The following EFR3B variants were observed in gnomAD, a reference collection of about 807,000 sequenced individuals.
EFR3B encodes the protein EFR3 homolog B.
Under a neutral mutation model 104.7 loss-of-function variants are expected in EFR3B, and 64 were observed. The observed-to-expected ratio is 0.61, with a 90% CI of 0.50 to 0.75. EFR3B has a LOEUF of 0.75. Among genes scored for constraint, EFR3B ranks in the 30% least tolerant of loss-of-function variants. The pLI, the probability that EFR3B is intolerant of heterozygous loss-of-function variation, is 0.00. For missense variants in EFR3B, 750 were observed against 1,078.5 expected (o/e 0.70, Z 4.27); for synonymous variants, 385 against 417.9 (o/e 0.92, Z 0.96).
rs561312942 is a variant in EFR3B, at chr2:25,130,506, C to G, written c.771-46C>G. 1.1e-5 allele frequency: 16 copies of G among 1,469,988 alleles called. No individual in the cohort carries two copies. The South Asian group carries it at 1.6e-4, about 15-fold the overall frequency. The allele number at this position is 1,469,988 out of a possible 1,614,324, so 91.1% of individuals were successfully genotyped here. ...CCAAGCTAATCTCTTCTCCCTAACA[C>G]TGCCGGGAGTTTCATAGTTGTTCCC... On this transcript the variant is annotated intron_variant, in intron 7 of 22. Coordinates refer to ENST00000403714, the MANE Select transcript of EFR3B (RefSeq NM_014971.2). This position sits in a 1 kb window ranked among gnomAD's most constrained non-coding sequence, Gnocchi z 4.6.
At chr2:25,045,828 C>T (rs1239380126) in intron 1 of EFR3B, among the ~76,000 whole-genome samples, 1 of 152,032 alleles carries the variant, frequency 6.6e-6, no homozygotes, top group Non-Finnish European at 1.5e-5. Flanking sequence ...CTGTTGCTCT[C>T]ATCTGGGCTG....
At chr2:25,148,908 C>A (rs1340284280) in intron 19 of EFR3B, among the ~76,000 whole-genome samples, 2 of 109,238 alleles carry the variant, frequency 1.8e-5, no homozygotes, top group Admixed American at 1.3e-4. Flanking sequence ...GGTGACAGAG[C>A]GAGACTCCGT....
intron 1 of EFR3B, among the ~76,000 whole-genome samples, chr2:25,049,157 C>T (rs932272182): frequency 4.6e-5 from 7 of 152,302 alleles, no homozygotes; most frequent in Middle Eastern, 3.4e-3. Flanking sequence ...CCTATACTCT[C>T]GAGAGCGTTC....
At chr2:25,059,367 AACCACCAC>A (rs1668116249) in intron 1 of EFR3B, among the ~76,000 whole-genome samples, 1 of 152,070 alleles carries the variant, frequency 6.6e-6, no homozygotes, top group African/African-American at 2.4e-5. Flanking sequence ...TACAGTCATG[AACCACCAC>A]ACCCGGCCAA....
chr2:25,069,495 A>G (rs1024800875), intron 1 of EFR3B, among the ~76,000 whole-genome samples: 1 of 152,220 alleles, frequency 6.6e-6, no homozygotes, highest in Non-Finnish European at 1.5e-5. Context: ...GTGATAGAGT[A>G]GAAGAAAACA....
intron 5 of EFR3B, among the ~76,000 whole-genome samples, chr2:25,123,041 C>T (rs1573218829): frequency 6.6e-6 from 1 of 152,140 alleles, no homozygotes; most frequent in Non-Finnish European, 1.5e-5. Context: ...CATACTTGGA[C>T]ATAGAAGCAA....
rs1188573048 is a variant in EFR3B, at chr2:25,131,442, G to A, written c.924G>A (p.Val308=). The change falls in exon 9 of 23, where the codon GTG becomes GTA. Residue 308 remains valine, a synonymous_variant. Transcript: ENST00000403714. The surrounding 1 kb of genome is among the most constrained non-coding windows in gnomAD (Gnocchi z 7.6). ...CCAACAGCCGCAGCGCTGCGACGGT[G>A]CGCGCGGGCATCGTGGAAGTCTTGT... The part of the protein sequence containing the change: ...LDANSRSAAT[V]RAGIVEVLSE... The A allele has an allele frequency of 7.1e-6, 11 of 1,550,646 alleles. No homozygotes were observed. In the African/African-American group the frequency reaches 1.5e-4, roughly 21 times the overall value.
intron 1 of EFR3B, among the ~76,000 whole-genome samples, chr2:25,071,435 A>G (rs546676339): frequency 6.7e-6 from 1 of 149,734 alleles, no homozygotes; most frequent in East Asian, 2.0e-4. Flanking sequence ...TATTTTTTGT[A>G]TTTTTAGTAG....
chr2:25,094,780 T>G (rs948463816), intron 3 of EFR3B, among the ~76,000 whole-genome samples: 1 of 151,926 alleles, frequency 6.6e-6, no homozygotes, highest in Non-Finnish European at 1.5e-5. Context: ...TTTTTTATTA[T>G]TTACTTATTT....
intron 4 of EFR3B, among the ~76,000 whole-genome samples, chr2:25,108,319 T>C (rs1473906353): frequency 6.6e-6 from 1 of 152,192 alleles, no homozygotes; most frequent in Non-Finnish European, 1.5e-5. Flanking sequence ...TGGGTCCAGA[T>C]GCATGTCTTG....
intron 1 of EFR3B, among the ~76,000 whole-genome samples, chr2:25,064,557 G>A (rs1283193954): frequency 6.6e-6 from 1 of 152,156 alleles, no homozygotes; most frequent in African/African-American, 2.4e-5. Flanking sequence ...GTTTTCATGT[G>A]ATAGATTCTA....
intron 19 of EFR3B, among the ~76,000 whole-genome samples, chr2:25,149,253 C>T (rs1670936681): frequency 6.6e-6 from 1 of 152,102 alleles, no homozygotes; most frequent in Non-Finnish European, 1.5e-5. Flanking sequence ...GAGGCTGAGG[C>T]AGAAGAATCA....
At chr2:25,152,368 A>C (rs916174012) in intron 21 of EFR3B, among the ~76,000 whole-genome samples, 1 of 152,232 alleles carries the variant, frequency 6.6e-6, no homozygotes, top group African/African-American at 2.4e-5. Context: ...GACAGCAGGC[A>C]CGTGAACAGC....
chr2:25,130,369 G>A lies in EFR3B; in HGVS notation c.771-183G>A, dbSNP rs148057087. Among the ~76,000 whole-genome samples, 4 of 152,198 alleles carry A rather than the reference G, an allele frequency of 2.6e-5. No homozygotes were observed. Among genetic ancestry groups the A allele is most frequent in the South Asian group, 4.1e-4 (2 of 4,822 alleles). On this transcript the variant is annotated intron_variant, in intron 7 of 22. Coordinates refer to ENST00000403714, the MANE Select transcript of EFR3B (RefSeq NM_014971.2). This position sits in a 1 kb window ranked among gnomAD's most constrained non-coding sequence, Gnocchi z 4.6. ...CCACACACATCCACAACTGCAGAGC[G>A]CTGTCCTTGGCCTCTCTCCAGCACT...
chr2:25,131,680 C>T lies in EFR3B; in HGVS notation c.986-70C>T. ...TGGAAGGGGGCGTGACCCTGCCCTGCCTGCGCGCGGTGCACAGAGGAGGAG... is the reference window on the plus strand; with the variant it reads ...TGGAAGGGGGCGTGACCCTGCCCTGTCTGCGCGCGGTGCACAGAGGAGGAG... On this transcript the variant is annotated intron_variant, in intron 9 of 22. Transcript: ENST00000403714. This position sits in a 1 kb window ranked among gnomAD's most constrained non-coding sequence, Gnocchi z 7.6. 1 of 1,478,242 alleles carries T rather than the reference C, an allele frequency of 6.8e-7. No homozygotes were observed. Among genetic ancestry groups the T allele is most frequent in the Non-Finnish European group, 9.0e-7 (1 of 1,109,114 alleles). 91.6% of individuals were successfully genotyped at this position (1,478,242 alleles called of 1,614,324 possible).
chr2:25,074,536 G>A (rs924966148), intron 1 of EFR3B, among the ~76,000 whole-genome samples: 3 of 151,268 alleles, frequency 2.0e-5, no homozygotes, highest in Non-Finnish European at 4.4e-5. Flanking sequence ...CTGCACTCCA[G>A]TCTGAGTGAC....
chr2:25,055,533 A>G (rs1667992456), intron 1 of EFR3B, among the ~76,000 whole-genome samples: 1 of 152,182 alleles, frequency 6.6e-6, no homozygotes, highest in South Asian at 2.1e-4. Flanking sequence ...AGAAGCCAGG[A>G]GTCTTGAATC....
chr2:25,154,513 ACCT>A lies in EFR3B; in HGVS notation c.*181_*183del, dbSNP rs1349802819. The stretch of plus-strand genomic sequence containing the variant: ...CTCTCTGGTCCTTCTTGGCCCTCCT[ACCT>A]CCTCCTCGTCTTCCCTGAGGGAGGT... On this transcript the variant is annotated 3_prime_UTR_variant, in exon 23 of 23. Coordinates refer to ENST00000403714, the MANE Select transcript of EFR3B (RefSeq NM_014971.2). The surrounding 1 kb of genome is among the most constrained non-coding windows in gnomAD (Gnocchi z 4.1). The A allele has an allele frequency of 6.8e-6, 4 of 587,154 alleles. No individual in the cohort carries two copies. The highest frequency in any genetic ancestry group is 3.8e-5 in the African/African-American group (2 of 52,790). The allele number at this position is 587,154 out of a possible 1,614,324, so 36.4% of individuals were successfully genotyped here. A position where few individuals can be genotyped will look rare whatever the true frequency, so the allele number is the denominator to read the frequency against.
At position 25,132,975 on chromosome 2, in the gene EFR3B, G is replaced by A. The variant is rs1002433629; in HGVS notation, c.1220G>A (p.Arg407Gln). The A allele has an allele frequency of 1.6e-5, 25 of 1,551,470 alleles. No individual in the cohort carries two copies. The highest frequency in any genetic ancestry group is 1.7e-4 in the Middle Eastern group (1 of 6,014). The change falls in exon 11 of 23, where the codon CGG (arginine) becomes CAG (glutamine). Residue 407 changes from arginine (R) to glutamine (Q), a missense_variant. Coordinates refer to ENST00000403714, the MANE Select transcript of EFR3B (RefSeq NM_014971.2). ...CTCTTCATCATGAGCAAGGTCCCGC[G>A]GCCATCCCTGCACCAGGCGGTGGAC... ...VILFIMSKVP[R>Q]PSLHQAVDTG...
Sources: gnomAD v4.1 joint callset for allele counts (sites outside exome capture counted in the v4.1 genomes callset) on GRCh38, gnomAD v4.1.1 for gene constraint, Gnocchi (gnomAD v3.1) non-coding constraint, MANE v1.5 for transcripts, NCBI Gene and HGNC (gene_info 2026-07-23, HGNC 2026-07-21) for gene names.